The following P2RX3 variants were observed in gnomAD, a reference collection of about 807,000 sequenced individuals.
The protein encoded by P2RX3 is purinergic receptor P2X 3.
In P2RX3, 41 loss-of-function variants were observed where a neutral mutation model predicts 51.5. The observed-to-expected ratio is 0.80, with a 90% confidence interval of 0.62 to 1.03. The LOEUF is 1.03. P2RX3 is among the 50% of genes least tolerant of loss of function. The probability of loss-of-function intolerance (pLI) is 0.00; values close to 1 mark genes in which losing one functional copy is unlikely to be tolerated. For synonymous variants in P2RX3, 185 were observed against 191.6 expected, an observed-to-expected ratio of 0.97 and a Z score of 0.29; for missense variants, 459 against 522.1, an observed-to-expected ratio of 0.88 and a Z score of 1.18.
At chr11:57,340,863 T>A (rs1247047623) in intron 1 of P2RX3, 1 of 150,180 alleles carries the variant, frequency 6.7e-6, no homozygotes, top group Non-Finnish European at 1.5e-5. Flanking sequence ...AGGAAGAGAG[T>A]TCAGGGCAGA....
upstream of P2RX3, among the ~76,000 whole-genome samples, chr11:57,337,800 G>A (rs1856263234): frequency 6.6e-6 from 1 of 152,212 alleles, no homozygotes; most frequent in South Asian, 2.1e-4. Flanking sequence ...CCTGCACGTT[G>A]TGCAGGTTTA....
At chr11:57,341,364 C>A (rs547890073) in intron 1 of P2RX3, among the ~76,000 whole-genome samples, 2 of 152,326 alleles carry the variant, frequency 1.3e-5, no homozygotes, top group South Asian at 4.1e-4. Flanking sequence ...CTAGACTCTG[C>A]CTAACATGAG....
At chr11:57,341,145 G>T (rs1856332902) in intron 1 of P2RX3, among the ~76,000 whole-genome samples, 1 of 152,206 alleles carries the variant, frequency 6.6e-6, no homozygotes, top group Admixed American at 6.5e-5. Flanking sequence ...CAGACACGAT[G>T]AGATCTGAGT....
chr11:57,346,375 A>C (rs533181510), intron 1 of P2RX3, among the ~76,000 whole-genome samples, 169 bp from the exon 2 acceptor site: 1 of 152,356 alleles, frequency 6.6e-6, no homozygotes, highest in Admixed American at 6.5e-5. Context: ...GAGAAACGCT[A>C]TTCTAAGTCA....
In P2RX3 at chr11:57,356,108, A is replaced by G. The variant is rs577466233; in HGVS notation, c.842+5210A>G. Among the ~76,000 whole-genome samples the G allele has an allele frequency of 6.6e-5, 10 of 152,294 alleles. No homozygotes were observed. In the East Asian group the frequency reaches 1.2e-3, roughly 18 times the overall value. ...AAGTTTGCAAAGCCCTTTCACACCT[A>G]TTTTTGACAGATCACAGCTCACCAT... is the stretch of plus-strand genomic sequence containing the variant. On this transcript the variant is annotated intron_variant, in intron 8 of 11. Transcript: ENST00000263314.
chr11:57,354,384 C>G (rs1405199323), intron 8 of P2RX3, among the ~76,000 whole-genome samples: 4 of 152,152 alleles, frequency 2.6e-5, no homozygotes, highest in African/African-American at 9.7e-5. Flanking sequence ...TCTAAGCACA[C>G]TGAGATTGCA....
intron 8 of P2RX3, among the ~76,000 whole-genome samples, chr11:57,356,902 C>T (rs1413183269): frequency 6.6e-6 from 1 of 152,188 alleles, no homozygotes; most frequent in Non-Finnish European, 1.5e-5. Context: ...CATGTCTACC[C>T]TATTCTCACA....
chr11:57,361,345 C>T (rs906631574), intron 8 of P2RX3, among the ~76,000 whole-genome samples: 2 of 151,816 alleles, frequency 1.3e-5, no homozygotes, highest in African/African-American at 4.8e-5. Context: ...AGGTTTGTTA[C>T]GTAGGTAAAC....
chr11:57,337,671 C>T (rs1207458512), upstream of P2RX3, among the ~76,000 whole-genome samples: 4 of 151,796 alleles, frequency 2.6e-5, no homozygotes, highest in Non-Finnish European at 5.9e-5. Flanking sequence ...GGGCCTGTCG[C>T]GGGGTGGGCG....
intron 5 of P2RX3, 180 bp from the exon 6 acceptor site, chr11:57,348,447 T>C: frequency 1.4e-6 from 1 of 707,632 alleles, no homozygotes; most frequent in Non-Finnish European, 2.3e-6. Flanking sequence ...ACCTGCCTCC[T>C]CCTCCTGCTG....
Position 57,362,007 on chromosome 11 carries a change from G to A in P2RX3, c.843-6002G>A, listed in dbSNP as rs748699875. On this transcript the variant is annotated intron_variant, in intron 8 of 11. Transcript: ENST00000263314. ...TAGTATTTCTCTCCCTCTCATGACA[G>A]CAGAGCTTGGCAAGGTATCAGCAGT... Among the ~76,000 whole-genome samples, 80 of 152,312 alleles carry A rather than the reference G, an allele frequency of 5.3e-4. 1 individual carries two copies. The highest frequency in any genetic ancestry group is 3.3e-3 in the Admixed American group (50 of 15,294).
At chr11:57,367,907 G>A in intron 8 of P2RX3, 102 bp from the exon 9 acceptor site, 5 of 858,908 alleles carry the variant, frequency 5.8e-6, no homozygotes, top group Non-Finnish European at 9.6e-6. Context: ...GTAAGTAAGG[G>A]TTGCTCAGTG....
At chr11:57,350,690 C>T in intron 7 of P2RX3, 72 bp from the exon 8 acceptor site, 3 of 1,581,978 alleles carry the variant, frequency 1.9e-6, no homozygotes, top group South Asian at 1.1e-5. Context: ...CACCTCCACC[C>T]CACCCCCACC....
chr11:57,368,949 C>T (rs1856839101), intron 10 of P2RX3, among the ~76,000 whole-genome samples: 1 of 152,136 alleles, frequency 6.6e-6, no homozygotes, highest in Non-Finnish European at 1.5e-5. Context: ...ATTCAGTCCT[C>T]CCTGGAGGAC....
At chr11:57,366,236 G>C (rs1053711056) in intron 8 of P2RX3, among the ~76,000 whole-genome samples, 98 of 152,336 alleles carry the variant, frequency 6.4e-4, no homozygotes, top group African/African-American at 2.3e-3. Context: ...GGCTTTAGAA[G>C]CTGAAAGACT....
At chr11:57,355,809 T>C (rs2134431841) in intron 8 of P2RX3, among the ~76,000 whole-genome samples, 1 of 152,346 alleles carries the variant, frequency 6.6e-6, no homozygotes, top group South Asian at 2.1e-4. Context: ...TTCTTTCCAG[T>C]TCTTATTCTA....
At chr11:57,350,533 C>T (rs1397406312) in intron 7 of P2RX3, 14 of 492,490 alleles carry the variant, frequency 2.8e-5, no homozygotes, top group Non-Finnish European at 4.7e-5. Flanking sequence ...CCGCCCGCCT[C>T]GGCCTCCCAA....
chr11:57,369,931 C>T lies in P2RX3; in HGVS notation c.1128C>T (p.Tyr376=), dbSNP rs758295969. 1.0e-4 allele frequency: 165 copies of T among 1,613,980 alleles called. No homozygotes were observed. The highest frequency in any genetic ancestry group is 1.3e-4 in the Non-Finnish European group (158 of 1,180,006). ...TCGCGGCTTTGACCAACCCAGTGTACCCCAGCGACCAGACCACAGCGGAGA... is the reference window on the plus strand; with the variant it reads ...TCGCGGCTTTGACCAACCCAGTGTATCCCAGCGACCAGACCACAGCGGAGA... ...LKIAALTNPV[Y]PSDQTTAEKQ... is the part of the protein sequence containing the mutation. The change falls in exon 12 of 12, where the codon TAC becomes TAT. Residue 376 remains tyrosine (Y), a synonymous_variant. Coordinates refer to ENST00000263314, the MANE Select transcript of P2RX3 (RefSeq NM_002559.5).
At chr11:57,369,825 C>T in intron 11 of P2RX3, 59 bp from the exon 12 acceptor site, 1 of 1,248,990 alleles carries the variant, frequency 8.0e-7, no homozygotes, top group Non-Finnish European at 1.2e-6. Context: ...CAAATGGGGT[C>T]ACAAAAGAGG....
Sources: gnomAD v4.1 joint callset for allele counts (sites outside exome capture counted in the v4.1 genomes callset) on GRCh38, gnomAD v4.1.1 for gene constraint, MANE v1.5 for transcripts, NCBI Gene and HGNC (gene_info 2026-07-23, HGNC 2026-07-21) for gene names.